NF1: variants seen among roughly 807,000 people sequenced by gnomAD.
NF1 encodes the protein neurofibromin.
Under a neutral mutation model 325.7 loss-of-function variants are expected in NF1, and 122 were observed. The ratio of observed to expected loss-of-function variants is 0.37; its 90% confidence interval spans 0.32 to 0.44. The LOEUF is 0.44. Ranked by LOEUF, NF1 falls within the 20% of genes least tolerant of loss-of-function variation. The probability of loss-of-function intolerance (pLI) is 1.00; values close to 1 mark genes in which losing one functional copy is unlikely to be tolerated. For synonymous variants in NF1, 1,091 were observed against 1,186.0 expected, an observed-to-expected ratio of 0.92 and a Z score of 1.65; for missense variants, 2,140 against 3,415.4, an observed-to-expected ratio of 0.63 and a Z score of 9.31.
intron 12 of NF1, among the ~76,000 whole-genome samples, chr17:31,207,442 T>C (rs2066644098): frequency 6.6e-6 from 1 of 152,180 alleles, no homozygotes; most frequent in African/African-American, 2.4e-5. Context: ...TATACAGTTG[T>C]GGTTCACTCT....
intron 31 of NF1, among the ~76,000 whole-genome samples, chr17:31,255,166 A>C (rs9913293): frequency 6.6e-6 from 1 of 152,204 alleles, no homozygotes; most frequent in Non-Finnish European, 1.5e-5. Context: ...GTAACTAAGC[A>C]TATATGGGTA....
At chr17:31,273,322 A>G (rs1424294748) in intron 36 of NF1, among the ~76,000 whole-genome samples, 1 of 152,196 alleles carries the variant, frequency 6.6e-6, no homozygotes, top group Non-Finnish European at 1.5e-5. Flanking sequence ...ATTAACAACA[A>G]CAACAACAAC....
intron 11 of NF1, 27 bp from the exon 12 acceptor site, chr17:31,206,212 CT>C (rs758117939): frequency 2.5e-6 from 4 of 1,612,820 alleles, no homozygotes. Context: ...TGTACTTTTT[CT>C]TCCTATTGGT....
chr17:31,161,450 C>T (rs772954072), intron 3 of NF1, among the ~76,000 whole-genome samples: 32 of 152,184 alleles, frequency 2.1e-4, no homozygotes, highest in Non-Finnish European at 1.5e-4. Context: ...CCATCTTGCT[C>T]AGTGTTATTA....
At chr17:31,210,066 C>G (rs879928809) in intron 12 of NF1, among the ~76,000 whole-genome samples, 2 of 152,144 alleles carry the variant, frequency 1.3e-5, no homozygotes, top group Non-Finnish European at 2.9e-5. Flanking sequence ...AACAGTCAAC[C>G]AGAGTTAGTT....
intron 1 of NF1, chr17:31,133,596 A>G (rs1291812687): frequency 6.6e-6 from 1 of 152,102 alleles, no homozygotes; most frequent in East Asian, 1.9e-4. Context: ...TTACTTTCCC[A>G]TCAGTAGTGC....
In NF1 at chr17:31,325,885, A is replaced by G. The variant is rs1597829621; in HGVS notation, c.4901A>G (p.Tyr1634Cys). 1.2e-6 allele frequency: 2 copies of G among 1,614,038 alleles called. No individual in the cohort carries two copies. The highest frequency in any genetic ancestry group is 2.2e-5 in the East Asian group (1 of 44,892). Residue 1634 changes from tyrosine to cysteine, a missense_variant, in exon 37 of 58, where the codon TAT (tyrosine) becomes TGT (cysteine). Physicochemically the swap from Tyr to Cys is radical, Grantham distance 194 (BLOSUM62 -2). This residue lies in a region of NF1 where 103 missense variants were observed against 214.6 expected (regional missense o/e 0.48). Transcript: ENST00000358273. ...CATGTCTTACTGACTTTAAAGCCAT[A>G]TTATGCAAAGCCATATGAAATTGTA... Reference protein sequence around the residue: ...IYHVLLTLKPYYAKPYEIVVD... With the variant: ...IYHVLLTLKPCYAKPYEIVVD...
intron 1 of NF1, among the ~76,000 whole-genome samples, chr17:31,153,319 G>A (rs1000135422): frequency 1.3e-5 from 2 of 152,186 alleles, no homozygotes; most frequent in East Asian, 1.9e-4. Context: ...TACATGTGAC[G>A]ACTAGTGGCT....
chr17:31,375,838 G>A lies in NF1; in HGVS notation c.*1683G>A. On this transcript the variant is annotated 3_prime_UTR_variant, in exon 58 of 58. Transcript: ENST00000358273. ...TGGTTTTGATACTCAGAAATAACAA[G>A]AATTTAATTTTTTAAATTTGTTTAC... 1 of 232,334 alleles carries A rather than the reference G, an allele frequency of 4.3e-6. No individual in the cohort carries two copies. Among genetic ancestry groups the A allele is most frequent in the East Asian group, 6.1e-5 (1 of 16,316 alleles). The allele number at this position is 232,334 out of a possible 1,614,324, so 14.4% of individuals were successfully genotyped here.
chr17:31,287,216 T>C (rs2068245642), intron 36 of NF1, among the ~76,000 whole-genome samples: 1 of 152,242 alleles, frequency 6.6e-6, no homozygotes, highest in Non-Finnish European at 1.5e-5. Flanking sequence ...TCTTGTTAAC[T>C]ACCCAAGAAT....
At chr17:31,260,196 C>T (rs979139148) in intron 33 of NF1, among the ~76,000 whole-genome samples, 173 bp from the exon 34 acceptor site, 1 of 152,116 alleles carries the variant, frequency 6.6e-6, no homozygotes, top group African/African-American at 2.4e-5. Context: ...AATGGAAAGC[C>T]AACTTTCTCC....
intron 29 of NF1, among the ~76,000 whole-genome samples, chr17:31,241,979 A>G (rs532086878): frequency 6.6e-6 from 1 of 151,848 alleles, no homozygotes; most frequent in South Asian, 2.1e-4. Context: ...TTATTTCTCC[A>G]TATATGAAGG....
At chr17:31,281,757 T>C (rs937486234) in intron 36 of NF1, among the ~76,000 whole-genome samples, 12 of 152,136 alleles carry the variant, frequency 7.9e-5, no homozygotes, top group African/African-American at 2.9e-4. Flanking sequence ...AATTCACCCT[T>C]TTTGAAGTGT....
intron 1 of NF1, among the ~76,000 whole-genome samples, chr17:31,107,427 G>A (rs1300511602): frequency 6.6e-6 from 1 of 151,856 alleles, no homozygotes; most frequent in African/African-American, 2.4e-5. Context: ...ACCATGCCGG[G>A]CTAGTTTTTA....
intron 1 of NF1, among the ~76,000 whole-genome samples, chr17:31,148,394 C>CTT (rs71142023): frequency 5.3e-4 from 71 of 134,396 alleles, no homozygotes; most frequent in Non-Finnish European, 7.4e-4. Context: ...GTCATTATGT[C>CTT]TTTTTTTTTT....
chr17:31,126,100 A>G (rs1914864001), intron 1 of NF1, among the ~76,000 whole-genome samples: 1 of 152,022 alleles, frequency 6.6e-6, no homozygotes, highest in African/African-American at 2.4e-5. Context: ...AGGCAGGGGA[A>G]TTGCTTGAAC....
intron 5 of NF1, among the ~76,000 whole-genome samples, chr17:31,173,116 A>G (rs2065959734): frequency 1.3e-5 from 2 of 152,186 alleles, no homozygotes; most frequent in South Asian, 4.1e-4. Flanking sequence ...CTCCGTCTCC[A>G]TTAAAAATAC....
At chr17:31,264,134 C>G (rs12949394) in intron 35 of NF1, among the ~76,000 whole-genome samples, 6,912 of 152,258 alleles carry the variant, frequency 0.045, 226 homozygotes, top group Middle Eastern at 0.16. Context: ...TGCGGTGACT[C>G]ACGCCTGTAA....
intron 1 of NF1, among the ~76,000 whole-genome samples, chr17:31,154,053 ATTTTTTTT>A (rs67332557): frequency 4.7e-4 from 25 of 52,716 alleles, no homozygotes; most frequent in South Asian, 9.6e-4. Flanking sequence ...AGTTTCTTTG[ATTTTTTTT>A]TTTTTTTTTT....
Sources: allele counts gnomAD v4.1 joint callset (sites outside exome capture counted in the v4.1 genomes callset), GRCh38; gene constraint gnomAD v4.1.1; regional missense constraint gnomAD v4.1.1; transcripts MANE v1.5; gene names NCBI Gene and HGNC (gene_info 2026-07-23, HGNC 2026-07-21).